CYB5R4: variants seen among roughly 807,000 people sequenced by gnomAD.
CYB5R4 encodes cytochrome b5 reductase 4.
Under a neutral mutation model 70.2 loss-of-function variants are expected in CYB5R4, and 55 were observed. The observed-to-expected ratio is 0.78, with a 90% CI of 0.63 to 0.98. The LOEUF (loss-of-function observed/expected upper bound fraction) is 0.98, where lower values mean the gene tolerates loss of function less well. Among genes scored for constraint, CYB5R4 ranks in the 50% least tolerant of loss-of-function variants. The pLI is 0.00. For synonymous variants in CYB5R4, 197 were observed against 199.5 expected (o/e 0.99, Z 0.11); for missense variants, 562 against 612.6 (o/e 0.92, Z 0.87).
chr6:83,901,526 G>A (rs1416608477), intron 3 of CYB5R4, among the ~76,000 whole-genome samples: 5 of 152,128 alleles, frequency 3.3e-5, no homozygotes, highest in Non-Finnish European at 5.9e-5. Context: ...GATTGGGGAA[G>A]TTCTCCTGGA....
chr6:83,861,921 A>G (rs955836903), intron 1 of CYB5R4, among the ~76,000 whole-genome samples: 1 of 152,196 alleles, frequency 6.6e-6, no homozygotes, highest in Non-Finnish European at 1.5e-5. Flanking sequence ...TTTGTTTGTC[A>G]ATTAACCCAC....
chr6:83,934,587 C>T lies in CYB5R4; in HGVS notation c.815-8C>T, dbSNP rs371005261. On this transcript the variant is annotated splice_region_variant and splice_polypyrimidine_tract_variant and intron_variant, in intron 10 of 15. Coordinates refer to ENST00000369681, the MANE Select transcript of CYB5R4 (RefSeq NM_016230.4). The stretch of plus-strand genomic sequence containing the variant: ...TGTATCAATAAGAGAAAATGAATCA[C>T]TTTTTAGGTTTGTACTACAGAAAGT... 2.8e-5 allele frequency: 44 copies of T among 1,595,018 alleles called. No individual in the cohort carries two copies. The African/African-American group carries it at 5.2e-4, about 19-fold the overall frequency.
At chr6:83,923,639 T>C (rs1453933075) in intron 9 of CYB5R4, among the ~76,000 whole-genome samples, 2 of 152,162 alleles carry the variant, frequency 1.3e-5, no homozygotes, top group African/African-American at 4.8e-5. Context: ...ATTTTAATTA[T>C]TCAATAAATA....
At chr6:83,943,011 G>A (rs1360765115) in intron 14 of CYB5R4, among the ~76,000 whole-genome samples, 1 of 152,180 alleles carries the variant, frequency 6.6e-6, no homozygotes, top group Non-Finnish European at 1.5e-5. Flanking sequence ...GAGTGCCTGG[G>A]GGAAGGGGCA....
chr6:83,935,746 T>C (rs555440710), intron 11 of CYB5R4, among the ~76,000 whole-genome samples: 2 of 152,296 alleles, frequency 1.3e-5, no homozygotes, highest in South Asian at 4.1e-4. Flanking sequence ...CAATTTAAAG[T>C]ACATAAAGTA....
chr6:83,864,506 A>G (rs1006995151), intron 2 of CYB5R4, among the ~76,000 whole-genome samples, 178 bp downstream of exon 2: 1 of 152,230 alleles, frequency 6.6e-6, no homozygotes, highest in Non-Finnish European at 1.5e-5. Flanking sequence ...TTAGGTAACC[A>G]TTATATTCTG....
Position 83,921,126 on chromosome 6 carries a change from CT to C in CYB5R4, c.612del (p.Phe204LeufsTer18). On this transcript the variant is annotated frameshift_variant, in exon 8 of 16. Coordinates refer to ENST00000369681, the MANE Select transcript of CYB5R4 (RefSeq NM_016230.4). LOFTEE classifies it high-confidence loss of function. ...SIIVDHQNDS[F>X]RAETIIKDCL... is the part of the protein sequence containing the mutation. ...TAATAGTTGATCATCAGAATGATTCCTTTAGAGCAGAAACAATTATTAAGGA... is the reference window on the plus strand; with the variant it reads ...TAATAGTTGATCATCAGAATGATTCCTTAGAGCAGAAACAATTATTAAGGA... The C allele has an allele frequency of 6.5e-7, 1 of 1,531,098 alleles. No homozygotes were observed. The allele number at this position is 1,531,098 out of a possible 1,614,324, so 94.8% of individuals were successfully genotyped here.
chr6:83,895,657 C>T (rs576750151), intron 3 of CYB5R4, among the ~76,000 whole-genome samples: 6 of 151,964 alleles, frequency 3.9e-5, no homozygotes, highest in Middle Eastern at 3.2e-3. Context: ...TCATATAGAC[C>T]TTATTTAAGG....
rs1473449168 is a variant in CYB5R4, at chr6:83,964,063, CT to C, written c.*4192del. ...TGGAACTGTAAGTCCAATTAAACCC[CT>C]TTTTTTCCCCAGTCTCAGGTACGTC... On this transcript the variant is annotated 3_prime_UTR_variant, in exon 16 of 16. Coordinates refer to ENST00000369681, the MANE Select transcript of CYB5R4 (RefSeq NM_016230.4). 25 of 189,174 alleles carry C rather than the reference CT, an allele frequency of 1.3e-4. No homozygotes were observed. Among genetic ancestry groups the C allele is most frequent in the East Asian group, 4.5e-4 (3 of 6,660 alleles). 11.7% of individuals were successfully genotyped at this position (189,174 alleles called of 1,614,324 possible). A position where few individuals can be genotyped will look rare whatever the true frequency, so the allele number is the denominator to read the frequency against.
At chr6:83,957,691 A>G (rs1044130449) in intron 15 of CYB5R4, among the ~76,000 whole-genome samples, 1 of 151,610 alleles carries the variant, frequency 6.6e-6, no homozygotes, top group African/African-American at 2.4e-5. Context: ...TTTACCTCAG[A>G]GCCAATCTTT....
chr6:83,955,233 C>T, intron 14 of CYB5R4, 65 bp from the exon 15 acceptor site: 1 of 1,288,576 alleles, frequency 7.8e-7, no homozygotes, highest in Non-Finnish European at 1.1e-6. Context: ...TATTCTTGAA[C>T]TTGAAACATG....
At chr6:83,953,504 A>G (rs1228056873) in intron 14 of CYB5R4, among the ~76,000 whole-genome samples, 1 of 152,156 alleles carries the variant, frequency 6.6e-6, no homozygotes, top group African/African-American at 2.4e-5. Flanking sequence ...AAAAGCAGGA[A>G]AAGCTGGGGC....
At chr6:83,955,507 G>A (rs1455383976) in intron 15 of CYB5R4, 45 bp downstream of exon 15, 1 of 1,520,122 alleles carries the variant, frequency 6.6e-7, no homozygotes. Flanking sequence ...ACACTGAAGT[G>A]AAGATCTTTC....
chr6:83,867,141 A>G (rs1487950357), intron 2 of CYB5R4, among the ~76,000 whole-genome samples: 1 of 152,188 alleles, frequency 6.6e-6, no homozygotes, highest in Non-Finnish European at 1.5e-5. Context: ...TACAAAGTGT[A>G]AGTGATATCA....
At chr6:83,894,298 T>C (rs2099461544) in intron 3 of CYB5R4, among the ~76,000 whole-genome samples, 1 of 152,244 alleles carries the variant, frequency 6.6e-6, no homozygotes, top group Non-Finnish European at 1.5e-5. Flanking sequence ...TTTAGAAAGA[T>C]AGAAATTTGC....
chr6:83,860,224 C>G (rs7748241), intron 1 of CYB5R4, among the ~76,000 whole-genome samples: 23,219 of 152,010 alleles, frequency 0.15, 3,445 homozygotes, highest in African/African-American at 0.37. Flanking sequence ...GTCTTTTGTT[C>G]TTCACTGCCT....
In CYB5R4 at chr6:83,940,112, G is replaced by C. The variant is rs1453589456; in HGVS notation, c.1165G>C (p.Glu389Gln). 1 of 1,611,392 alleles carries C rather than the reference G, an allele frequency of 6.2e-7. No homozygotes were observed. The highest frequency in any genetic ancestry group is 1.3e-5 in the African/African-American group (1 of 74,630). The change falls in exon 13 of 16, where the codon GAA (glutamate) becomes CAA (glutamine). Residue 389 changes from glutamate to glutamine, a missense_variant. Physicochemically the swap from Glu to Gln is conservative, Grantham distance 29. Coordinates refer to ENST00000369681, the MANE Select transcript of CYB5R4 (RefSeq NM_016230.4). ...CAATTTTAAAATATCCAAGTTCCAA[G>C]AATTAGAAGATCTCTTTTTGTTGGC... ...EGNFKISKFQ[E>Q]LEDLFLLAAG...
At chr6:83,931,749 T>A (rs2099468165) in intron 10 of CYB5R4, among the ~76,000 whole-genome samples, 1 of 151,528 alleles carries the variant, frequency 6.6e-6, no homozygotes. Context: ...TTGTGCAGGC[T>A]GAAGTAGTCA....
At chr6:83,866,045 G>A (rs2099456687) in intron 2 of CYB5R4, among the ~76,000 whole-genome samples, 1 of 152,116 alleles carries the variant, frequency 6.6e-6, no homozygotes, top group Non-Finnish European at 1.5e-5. Context: ...TCCCCATTGT[G>A]CCTGAGTGTT....
Sources: gnomAD v4.1 joint callset for allele counts (sites outside exome capture counted in the v4.1 genomes callset) on GRCh38, gnomAD v4.1.1 for gene constraint, MANE v1.5 for transcripts, NCBI Gene and HGNC (gene_info 2026-07-23, HGNC 2026-07-21) for gene names.